Variants in HEATR5B observed in about 807,000 individuals in gnomAD.
The protein encoded by HEATR5B is HEAT repeat-containing protein 5B.
HEATR5B carries 156 observed loss-of-function variants against 224.1 expected under a neutral mutation model. The ratio of observed to expected loss-of-function variants is 0.70; its 90% CI spans 0.61 to 0.80. HEATR5B has a LOEUF of 0.80. Ranked by LOEUF, HEATR5B falls within the 30% of genes least tolerant of loss-of-function variation. HEATR5B has a pLI of 0.00. For synonymous variants in HEATR5B, 1,027 were observed against 893.0 expected (o/e 1.15, Z -2.68); for missense variants, 2,323 against 2,535.5 (o/e 0.92, Z 1.80).
At chr2:37,039,233 G>A (rs1356473670) in intron 20 of HEATR5B, among the ~76,000 whole-genome samples, 4 of 151,776 alleles carry the variant, frequency 2.6e-5, no homozygotes, top group East Asian at 3.9e-4. Context: ...TTGGGAGGCC[G>A]AGGTGGGTGG....
At chr2:37,002,829 A>G (rs1221315796) in intron 31 of HEATR5B, among the ~76,000 whole-genome samples, 2 of 152,238 alleles carry the variant, frequency 1.3e-5, no homozygotes, top group African/African-American at 4.8e-5. Context: ...AATAGGAATA[A>G]CACATGTTAG....
At chr2:36,989,730 T>C (rs1418650205) in intron 34 of HEATR5B, among the ~76,000 whole-genome samples, 1 of 151,970 alleles carries the variant, frequency 6.6e-6, no homozygotes, top group Non-Finnish European at 1.5e-5. Context: ...CCCACCAATA[T>C]ATGGGACACA....
Position 37,069,021 on chromosome 2 carries a change from C to G in HEATR5B, c.928-91G>C, listed in dbSNP as rs958449156. 7.8e-6 allele frequency: 10 copies of G among 1,282,230 alleles called. No homozygotes were observed. The East Asian group carries it at 2.4e-4, about 31-fold the overall frequency. 79.4% of individuals were successfully genotyped at this position (1,282,230 alleles called of 1,614,324 possible). A position where few individuals can be genotyped will look rare whatever the true frequency, so the allele number is the denominator to read the frequency against. On this transcript the variant is annotated intron_variant, in intron 7 of 35. Transcript: ENST00000233099. ...CAACTACTAAAATAACTGATAACAGCATGCTGAATGAATTGTATTTGAGGC... is the reference window on the plus strand; with the variant it reads ...CAACTACTAAAATAACTGATAACAGGATGCTGAATGAATTGTATTTGAGGC...
rs751701103 is a variant in HEATR5B at position 36,981,549 on chromosome 2, G to T, written c.6157C>A (p.Gln2053Lys). Residue 2053 changes from glutamine (Q) to lysine (K), a missense_variant, in exon 36 of 36, where the codon CAA becomes AAA. Coordinates refer to ENST00000233099, the MANE Select transcript of HEATR5B (RefSeq NM_019024.3). ...QASKAKAAAR[Q>K]PAPAIHSAPT... The stretch of plus-strand genomic sequence containing the variant: ...GCAGAATGTATGGCGGGGGCTGGTT[G>T]TCTGGCAGCCGCTTTAGCTTTGCTC... The T allele has an allele frequency of 2.5e-6, 4 of 1,613,996 alleles. No individual in the cohort carries two copies. In the African/African-American group the frequency reaches 4.0e-5, roughly 16 times the overall value.
intron 5 of HEATR5B, among the ~76,000 whole-genome samples, chr2:37,072,936 T>C (rs1490057737): frequency 6.6e-6 from 1 of 152,184 alleles, no homozygotes; most frequent in South Asian, 2.1e-4. Context: ...AATAGCCCAG[T>C]ATCTATGTTA....
chr2:37,022,313 G>C (rs1242201841), intron 24 of HEATR5B, among the ~76,000 whole-genome samples: 1 of 152,020 alleles, frequency 6.6e-6, no homozygotes, highest in African/African-American at 2.4e-5. Flanking sequence ...CAAGGAGCTG[G>C]GATTACAGGC....
rs545498735 is a variant in HEATR5B at position 37,036,758 on chromosome 2, C to T, written c.3216+1097G>A. On this transcript the variant is annotated intron_variant, in intron 21 of 35. Coordinates refer to ENST00000233099, the MANE Select transcript of HEATR5B (RefSeq NM_019024.3). ...AACTCCTGACCTCAGGTGATCCCCC[C>T]GCCTTGGCCTCTCAAAGTGCTGGGA... Among the ~76,000 whole-genome samples, 230 of 152,062 alleles carry T rather than the reference C, an allele frequency of 1.5e-3. 2 individuals carry two copies. Among genetic ancestry groups the T allele is most frequent in the African/African-American group, 5.2e-3 (217 of 41,472 alleles).
intron 16 of HEATR5B, 73 bp from the exon 17 acceptor site, chr2:37,053,680 G>C (rs184335187): frequency 3.7e-6 from 3 of 807,108 alleles, no homozygotes; most frequent in African/African-American, 3.5e-5. Context: ...CGGATAAGAA[G>C]AGTACAAGTT....
At chr2:37,056,866 G>C (rs561872368) in intron 15 of HEATR5B, among the ~76,000 whole-genome samples, 90 of 152,274 alleles carry the variant, frequency 5.9e-4, no homozygotes, top group African/African-American at 2.0e-3. Context: ...CTTATTGCGT[G>C]AACAATATAC....
intron 24 of HEATR5B, among the ~76,000 whole-genome samples, chr2:37,022,139 A>G (rs1030955214): frequency 1.1e-4 from 17 of 151,484 alleles, no homozygotes; most frequent in African/African-American, 3.9e-4. Context: ...TGCTTCAGTC[A>G]CTTTTTGGTT....
intron 16 of HEATR5B, among the ~76,000 whole-genome samples, chr2:37,054,622 C>CTGT (rs1252874593): frequency 4.0e-5 from 6 of 151,000 alleles, no homozygotes; most frequent in Non-Finnish European, 5.9e-5. Flanking sequence ...GTAGCTGGGA[C>CTGT]TACAGGTGTT....
intron 35 of HEATR5B, among the ~76,000 whole-genome samples, chr2:36,988,171 A>G (rs1286805193): frequency 2.0e-5 from 3 of 152,070 alleles, no homozygotes; most frequent in Non-Finnish European, 4.4e-5. Context: ...TTGAAATGCC[A>G]TTGGCAATTC....
At chr2:37,083,228 G>T in intron 2 of HEATR5B, 61 bp downstream of exon 2, 8 of 1,585,786 alleles carry the variant, frequency 5.0e-6, no homozygotes, top group Non-Finnish European at 6.9e-6. Flanking sequence ...GTTTTCTTAA[G>T]AATCATGACC....
At chr2:37,083,656 AAAG>A (rs1248432790) in intron 1 of HEATR5B, among the ~76,000 whole-genome samples, 1 of 152,226 alleles carries the variant, frequency 6.6e-6, no homozygotes, top group Admixed American at 6.5e-5. Flanking sequence ...CATGGAGTGA[AAAG>A]AAAATTAAAA....
In HEATR5B at chr2:37,049,651, A is replaced by T; in HGVS notation, c.2696+2T>A. ...AACTTGTTAGTAAAGAAACCCACTTACTTGTCAAAGCTATATTGGGCCATT... is the reference window on the plus strand; with the variant it reads ...AACTTGTTAGTAAAGAAACCCACTTTCTTGTCAAAGCTATATTGGGCCATT... On this transcript the variant is annotated splice_donor_variant, in intron 18 of 35. Transcript: ENST00000233099. LOFTEE classifies it high-confidence loss of function. 1 of 1,609,736 alleles carries T rather than the reference A, an allele frequency of 6.2e-7. No homozygotes were observed. The highest frequency in any genetic ancestry group is 8.5e-7 in the Non-Finnish European group (1 of 1,178,806).
At chr2:36,981,961 G>A (rs1023576787) in intron 35 of HEATR5B, among the ~76,000 whole-genome samples, 167 bp from the exon 36 acceptor site, 1 of 151,362 alleles carries the variant, frequency 6.6e-6, no homozygotes, top group African/African-American at 2.4e-5. Flanking sequence ...TTTACTAAAT[G>A]TACAAGCTGG....
In HEATR5B at chr2:37,057,467, TGC is replaced by T. The variant is rs765097137; in HGVS notation, c.2071_2072del (p.Ala691ThrfsTer3). ...ATTCCGCTACCAGTTCTCTAAGAAG[TGC>T]ATTAAAAGATCCTAAAAAACAGAAC... is the stretch of plus-strand genomic sequence containing the variant. Reference protein sequence around the residue: ...PPKTYEGSFNALLRELVAEFT... With the variant: ...PPKTYEGSFNXLLRELVAEFT... On this transcript the variant is annotated frameshift_variant, in exon 15 of 36. Coordinates refer to ENST00000233099, the MANE Select transcript of HEATR5B (RefSeq NM_019024.3). LOFTEE classifies it high-confidence loss of function. 6.2e-7 allele frequency: 1 copy of T among 1,604,456 alleles called. No individual in the cohort carries two copies. The highest frequency in any genetic ancestry group is 8.5e-7 in the Non-Finnish European group (1 of 1,176,810).
At chr2:37,053,918 C>A (rs1322616724) in intron 16 of HEATR5B, among the ~76,000 whole-genome samples, 1 of 151,468 alleles carries the variant, frequency 6.6e-6, no homozygotes. Context: ...AGGTTTCTTG[C>A]AAAGATAACA....
chr2:36,994,453 G>A (rs1295079542), intron 33 of HEATR5B, among the ~76,000 whole-genome samples: 1 of 152,090 alleles, frequency 6.6e-6, no homozygotes, highest in Non-Finnish European at 1.5e-5. Flanking sequence ...TTTCCATAAT[G>A]GAAATACTCT....
Sources: allele counts gnomAD v4.1 joint callset (sites outside exome capture counted in the v4.1 genomes callset), GRCh38; gene constraint gnomAD v4.1.1; transcripts MANE v1.5; gene names NCBI Gene and HGNC (gene_info 2026-07-23, HGNC 2026-07-21).